WDR70: variants seen among roughly 807,000 people sequenced by gnomAD.
The protein encoded by WDR70 is WD repeat domain 70, also known as WD repeat-containing protein 70.
Under a neutral mutation model 88.6 loss-of-function variants are expected in WDR70, and 53 were observed. The ratio of observed to expected loss-of-function variants is 0.60; its 90% CI spans 0.48 to 0.75. The LOEUF is 0.75. WDR70 is among the 30% of genes least tolerant of loss of function. The probability of loss-of-function intolerance (pLI) is 0.00; values close to 1 mark genes in which losing one functional copy is unlikely to be tolerated. For synonymous variants in WDR70, 280 were observed against 270.0 expected (o/e 1.04, Z -0.36); for missense variants, 610 against 823.2 (o/e 0.74, Z 3.17).
At chr5:37,423,047 TG>T (rs1190991237) in intron 5 of WDR70, among the ~76,000 whole-genome samples, 2 of 152,082 alleles carry the variant, frequency 1.3e-5, no homozygotes, top group Admixed American at 1.3e-4. Context: ...AGAATAGTAT[TG>T]TAGAGAGCAG....
intron 10 of WDR70, among the ~76,000 whole-genome samples, chr5:37,678,878 G>A (rs1460226012): frequency 9.9e-5 from 15 of 152,262 alleles, no homozygotes; most frequent in South Asian, 2.1e-4. Context: ...CCAATCAGAC[G>A]TAGATTTGGT....
intron 7 of WDR70, among the ~76,000 whole-genome samples, chr5:37,445,910 A>G (rs920139323): frequency 6.6e-6 from 1 of 152,210 alleles, no homozygotes; most frequent in Non-Finnish European, 1.5e-5. Context: ...CACCACTCCT[A>G]TTCAACATAG....
At position 37,443,512 on chromosome 5, in the gene WDR70, T is replaced by A. The variant is rs552193737; in HGVS notation, c.686+140T>A. The A allele has an allele frequency of 5.5e-5, 52 of 946,880 alleles. No homozygotes were observed. The South Asian group carries it at 1.2e-3, about 23-fold the overall frequency. The allele number at this position is 946,880 out of a possible 1,614,324, so 58.7% of individuals were successfully genotyped here. A position where few individuals can be genotyped will look rare whatever the true frequency, so the allele number is the denominator to read the frequency against. ...TTTATATGACTGTATACGGCCTTCATAATTTAAATGAAGTAAAACGAGCCT... is the reference window on the plus strand; with the variant it reads ...TTTATATGACTGTATACGGCCTTCAAAATTTAAATGAAGTAAAACGAGCCT... On this transcript the variant is annotated intron_variant, in intron 7 of 17. Transcript: ENST00000265107.
intron 9 of WDR70, among the ~76,000 whole-genome samples, chr5:37,536,977 C>T (rs570581016): frequency 1.3e-5 from 2 of 152,212 alleles, no homozygotes; most frequent in Admixed American, 1.3e-4. Context: ...TCCAAGTTCC[C>T]CATTTCTCCA....
At chr5:37,399,230 A>G (rs774813423) in intron 5 of WDR70, among the ~76,000 whole-genome samples, 45 of 152,180 alleles carry the variant, frequency 3.0e-4, no homozygotes, top group Non-Finnish European at 6.3e-4. Context: ...GTGAGCCGAG[A>G]TGGCGCCACT....
chr5:37,679,249 G>T (rs139880018), intron 10 of WDR70, among the ~76,000 whole-genome samples: 1 of 152,144 alleles, frequency 6.6e-6, no homozygotes, highest in Non-Finnish European at 1.5e-5. Flanking sequence ...GTCATTCTCC[G>T]TCCAGCTTTG....
chr5:37,432,861 C>G (rs1008503462), intron 5 of WDR70, among the ~76,000 whole-genome samples: 7 of 151,998 alleles, frequency 4.6e-5, no homozygotes, highest in African/African-American at 1.4e-4. Flanking sequence ...CCGCACCCGG[C>G]CTTTTGCTCA....
intron 8 of WDR70, among the ~76,000 whole-genome samples, chr5:37,488,202 CT>C (rs796850688): frequency 1.2e-3 from 168 of 136,280 alleles, no homozygotes; most frequent in Non-Finnish European, 1.1e-3. Flanking sequence ...TGTGACTAGA[CT>C]TTTTTTTTTT....
intron 10 of WDR70, among the ~76,000 whole-genome samples, chr5:37,659,214 C>T (rs1745634737): frequency 6.6e-6 from 1 of 152,180 alleles, no homozygotes; most frequent in South Asian, 2.1e-4. Context: ...GATACTTCTA[C>T]AGTCAGAAAA....
chr5:37,632,094 C>T (rs1581450584), intron 10 of WDR70, among the ~76,000 whole-genome samples: 1 of 152,098 alleles, frequency 6.6e-6, no homozygotes, highest in Non-Finnish European at 1.5e-5. Context: ...GGTGGTGCTC[C>T]CATAAGATTA....
chr5:37,470,849 T>C (rs1219988668), intron 7 of WDR70, among the ~76,000 whole-genome samples: 3 of 152,126 alleles, frequency 2.0e-5, no homozygotes, highest in Non-Finnish European at 4.4e-5. Context: ...GTGGAATTGC[T>C]AGGTCATTGA....
Position 37,411,432 on chromosome 5 carries a change from A to G in WDR70, c.492+14862A>G, listed in dbSNP as rs1286555778. ...CTAGTTACAATACTGTTTACAAATG[A>G]TTTTTTTTTTTGGCCAGATGCAGTG... On this transcript the variant is annotated intron_variant, in intron 5 of 17. Coordinates refer to ENST00000265107, the MANE Select transcript of WDR70 (RefSeq NM_018034.4). Among the ~76,000 whole-genome samples the G allele has an allele frequency of 4.7e-5, 7 of 147,948 alleles. No individual in the cohort carries two copies. The Admixed American group carries it at 4.7e-4, about 10-fold the overall frequency.
intron 7 of WDR70, among the ~76,000 whole-genome samples, chr5:37,460,469 T>G (rs1200721043): frequency 1.9e-5 from 1 of 54,050 alleles, no homozygotes; most frequent in African/African-American, 5.4e-5. Context: ...ATATTCTCAC[T>G]CATAGGTGGG....
intron 9 of WDR70, among the ~76,000 whole-genome samples, chr5:37,594,077 A>T (rs1358606005): frequency 2.0e-5 from 3 of 151,838 alleles, no homozygotes; most frequent in African/African-American, 7.3e-5. Flanking sequence ...GATTGCAAAA[A>T]TTTTCTCCCA....
chr5:37,598,794 A>G (rs1411866288), intron 9 of WDR70, among the ~76,000 whole-genome samples: 1 of 152,240 alleles, frequency 6.6e-6, no homozygotes, highest in Non-Finnish European at 1.5e-5. Context: ...TTGTAAAATT[A>G]AAACTGTGTT....
chr5:37,615,214 A>G (rs972212099), intron 10 of WDR70, among the ~76,000 whole-genome samples: 3 of 152,138 alleles, frequency 2.0e-5, no homozygotes, highest in Non-Finnish European at 2.9e-5. Flanking sequence ...GTATTTGACT[A>G]GAAAGTTCTA....
At chr5:37,483,122 A>G (rs1380607840) in intron 8 of WDR70, among the ~76,000 whole-genome samples, 2 of 125,944 alleles carry the variant, frequency 1.6e-5, no homozygotes, top group Non-Finnish European at 3.4e-5. Flanking sequence ...TTTTTTTTTA[A>G]TTGATCATTC....
intron 5 of WDR70, among the ~76,000 whole-genome samples, chr5:37,415,685 C>A (rs1215302037): frequency 6.6e-6 from 1 of 150,736 alleles, no homozygotes; most frequent in Non-Finnish European, 1.5e-5. Context: ...CTCCCTCCCG[C>A]CGGGCGGAGG....
chr5:37,485,624 C>A (rs1739837835), intron 8 of WDR70, among the ~76,000 whole-genome samples: 1 of 152,006 alleles, frequency 6.6e-6, no homozygotes, highest in African/African-American at 2.4e-5. Context: ...TGCTGTAGTG[C>A]CATTGGCTGT....
Sources: allele counts gnomAD v4.1 joint callset (sites outside exome capture counted in the v4.1 genomes callset), GRCh38; gene constraint gnomAD v4.1.1; transcripts MANE v1.5; gene names NCBI Gene and HGNC (gene_info 2026-07-23, HGNC 2026-07-21).